The following GTF2H3 variants were observed in gnomAD, a reference collection of about 807,000 sequenced individuals.
GTF2H3 encodes TFIIH basal transcription factor complex p34 subunit.
A neutral mutation model predicts 51.1 loss-of-function variants in GTF2H3; 42 were observed. The ratio of observed to expected loss-of-function variants is 0.82; its 90% CI spans 0.64 to 1.06. The LOEUF (loss-of-function observed/expected upper bound fraction) is 1.06, where lower values mean the gene tolerates loss of function less well. Among genes scored for constraint, GTF2H3 ranks in the 50% least tolerant of loss-of-function variants. The pLI, the probability that GTF2H3 is intolerant of heterozygous loss-of-function variation, is 0.00. For synonymous variants in GTF2H3, 123 were observed against 123.8 expected (o/e 0.99, Z 0.04); for missense variants, 326 against 366.1 (o/e 0.89, Z 0.89).
intron 7 of GTF2H3, among the ~76,000 whole-genome samples, 161 bp downstream of exon 7, chr12:123,652,896 G>T (rs891660357): frequency 2.0e-5 from 3 of 152,060 alleles, no homozygotes; most frequent in African/African-American, 7.2e-5. Flanking sequence ...TGGCCAACAT[G>T]GTGAAACCCC....
chr12:123,643,008 A>G (rs1436219368), intron 2 of GTF2H3, among the ~76,000 whole-genome samples: 1 of 152,126 alleles, frequency 6.6e-6, no homozygotes, highest in Non-Finnish European at 1.5e-5. Flanking sequence ...AGTAGCTGGG[A>G]CTACAGGCAC....
chr12:123,656,067 C>T (rs752333984), intron 9 of GTF2H3: 19 of 358,554 alleles, frequency 5.3e-5, no homozygotes, highest in Non-Finnish European at 9.0e-5. Flanking sequence ...TACTTTAACC[C>T]GAAAGGGAAA....
intron 1 of GTF2H3, among the ~76,000 whole-genome samples, chr12:123,636,769 T>A (rs1248310726): frequency 6.6e-6 from 1 of 151,962 alleles, no homozygotes; most frequent in Non-Finnish European, 1.5e-5. Flanking sequence ...AATACAAAAT[T>A]AGCTGGGCGT....
At position 123,642,913 on chromosome 12, in the gene GTF2H3, C is replaced by T. The variant is rs529072965; in HGVS notation, c.94-2542C>T. 5.9e-5 allele frequency among the ~76,000 whole-genome samples: 9 copies of T among 152,278 alleles called. No individual in the cohort carries two copies. The East Asian group carries it at 1.7e-3, about 29-fold the overall frequency. ...TTTTTGAGATGGCGTCTTGCTCTGT[C>T]GCCCAGGCTGGAGTGCAGTGGTGCA... On this transcript the variant is annotated intron_variant, in intron 2 of 12. Coordinates refer to ENST00000543341, the MANE Select transcript of GTF2H3 (RefSeq NM_001516.5).
intron 7 of GTF2H3, 42 bp from the exon 8 acceptor site, chr12:123,654,882 T>A (rs1955567171): frequency 7.5e-7 from 1 of 1,340,050 alleles, no homozygotes; most frequent in South Asian, 1.2e-5. Context: ...GTGAGAGGAC[T>A]GGCATGTGCC....
chr12:123,661,111 G>A lies in GTF2H3; in HGVS notation c.*876G>A, dbSNP rs558116852. 10 of 152,190 alleles carry A rather than the reference G, an allele frequency of 6.6e-5. No homozygotes were observed. The East Asian group carries it at 1.9e-3, about 29-fold the overall frequency. 9.4% of individuals were successfully genotyped at this position (152,190 alleles called of 1,614,324 possible). A position where few individuals can be genotyped will look rare whatever the true frequency, so the allele number is the denominator to read the frequency against. On this transcript the variant is annotated 3_prime_UTR_variant, in exon 13 of 13. Transcript: ENST00000543341. ...GTTCGAGAGCAGCCTGGGCAGCAAA[G>A]TGAGACCCCATCTCTACTAAAAATT...
intron 2 of GTF2H3, among the ~76,000 whole-genome samples, chr12:123,644,758 G>T (rs1197942151): frequency 1.3e-5 from 2 of 152,136 alleles, no homozygotes; most frequent in Non-Finnish European, 2.9e-5. Context: ...GTACAGTAGT[G>T]GCTCAGTATA....
intron 2 of GTF2H3, among the ~76,000 whole-genome samples, chr12:123,642,398 T>G (rs1242327649): frequency 2.6e-5 from 4 of 151,502 alleles, no homozygotes; most frequent in African/African-American, 9.7e-5. Context: ...CTCGATCTCT[T>G]GACCTCGTGA....
intron 2 of GTF2H3, among the ~76,000 whole-genome samples, chr12:123,644,549 C>G (rs1185256705): frequency 1.3e-5 from 2 of 151,900 alleles, no homozygotes; most frequent in Non-Finnish European, 2.9e-5. Flanking sequence ...GCCTGTAGTC[C>G]CAGCTGCTGG....
chr12:123,654,817 AAGACAAACTGGAAT>A (rs1955566282), intron 7 of GTF2H3, 93 bp from the exon 8 acceptor site: 1 of 769,196 alleles, frequency 1.3e-6, no homozygotes, highest in Admixed American at 2.0e-5. Flanking sequence ...GATAAATGGG[AAGACAAACTGGAAT>A]AATGTTGGTT....
chr12:123,643,687 G>C (rs1274014307), intron 2 of GTF2H3, among the ~76,000 whole-genome samples: 1 of 152,044 alleles, frequency 6.6e-6, no homozygotes, highest in African/African-American at 2.4e-5. Context: ...TTATATTAAA[G>C]GATTAACCCA....
chr12:123,648,879 C>T (rs567790168), intron 4 of GTF2H3, among the ~76,000 whole-genome samples: 10 of 152,224 alleles, frequency 6.6e-5, no homozygotes, highest in Middle Eastern at 3.4e-3. Context: ...GTCTTGAACT[C>T]CTGGGCTCAA....
intron 5 of GTF2H3, 70 bp downstream of exon 5, chr12:123,651,126 T>G: frequency 8.5e-7 from 1 of 1,171,894 alleles, no homozygotes; most frequent in Non-Finnish European, 1.3e-6. Flanking sequence ...GTGACATTTC[T>G]TAGGACCTTG....
At chr12:123,653,879 GTAAT>G (rs2135795587) in intron 7 of GTF2H3, among the ~76,000 whole-genome samples, 2 of 152,262 alleles carry the variant, frequency 1.3e-5, no homozygotes, top group Non-Finnish European at 2.9e-5. Flanking sequence ...TTTTCCGGAG[GTAAT>G]TAGAGAGCTG....
intron 9 of GTF2H3, chr12:123,656,035 C>A: frequency 2.4e-6 from 1 of 417,684 alleles, no homozygotes; most frequent in Non-Finnish European, 4.3e-6. Context: ...TTGGGCAGCA[C>A]TAAAAGACAA....
At chr12:123,647,398 G>C (rs1448254993) in intron 3 of GTF2H3, among the ~76,000 whole-genome samples, 1 of 151,934 alleles carries the variant, frequency 6.6e-6, no homozygotes, top group Non-Finnish European at 1.5e-5. Flanking sequence ...CTTGAGCCCG[G>C]GAGGTGGAAG....
chr12:123,659,704 C>G (rs971215496), intron 10 of GTF2H3, 91 bp from the exon 11 acceptor site: 40 of 1,451,380 alleles, frequency 2.8e-5, no homozygotes, highest in African/African-American at 4.2e-5. Flanking sequence ...TAAATGGAGG[C>G]CTTGGAGTTC....
In GTF2H3 at chr12:123,648,256, C is replaced by T. The variant is rs7139017; in HGVS notation, c.364+130C>T. 1,078 of 618,658 alleles carry T rather than the reference C, an allele frequency of 1.7e-3. 11 individuals are homozygous for T. The highest frequency in any genetic ancestry group is 0.017 in the African/African-American group (917 of 52,992). 38.3% of individuals were successfully genotyped at this position (618,658 alleles called of 1,614,324 possible). A position where few individuals can be genotyped will look rare whatever the true frequency, so the allele number is the denominator to read the frequency against. ...GTTCTCACTTTTTAAAAATCATTTTCGTCAAAGTTGGTTCATTATTTGCCT... is the reference window on the plus strand; with the variant it reads ...GTTCTCACTTTTTAAAAATCATTTTTGTCAAAGTTGGTTCATTATTTGCCT... On this transcript the variant is annotated intron_variant, in intron 4 of 12. Coordinates refer to ENST00000543341, the MANE Select transcript of GTF2H3 (RefSeq NM_001516.5).
intron 2 of GTF2H3, 146 bp from the exon 3 acceptor site, chr12:123,645,309 G>A (rs1348499898): frequency 3.3e-6 from 2 of 598,208 alleles, no homozygotes; most frequent in African/African-American, 1.9e-5. Flanking sequence ...AACTCAAGCA[G>A]TCCTCCCACC....
Sources: gnomAD v4.1 joint callset for allele counts (sites outside exome capture counted in the v4.1 genomes callset) on GRCh38, gnomAD v4.1.1 for gene constraint, MANE v1.5 for transcripts, NCBI Gene and HGNC (gene_info 2026-07-23, HGNC 2026-07-21) for gene names.